The following AFAP1 variants were observed in gnomAD, a reference collection of about 807,000 sequenced individuals.
The protein encoded by AFAP1 is actin filament associated protein 1.
AFAP1 carries 75 observed loss-of-function variants against 93.9 expected under a neutral mutation model. That is an observed-to-expected ratio of 0.80 (90% CI 0.66 to 0.97). The LOEUF is 0.97. Ranked by LOEUF, AFAP1 falls within the 50% of genes least tolerant of loss-of-function variation. AFAP1 has a pLI of 0.00. For missense variants in AFAP1, 1,201 were observed against 1,050.8 expected, an observed-to-expected ratio of 1.14 and a Z score of -1.98; for synonymous variants, 517 against 430.7, an observed-to-expected ratio of 1.20 and a Z score of -2.48.
At chr4:7,875,185 G>C (rs1056482214) in intron 1 of AFAP1, among the ~76,000 whole-genome samples, 3 of 152,190 alleles carry the variant, frequency 2.0e-5, no homozygotes, top group African/African-American at 7.2e-5. Flanking sequence ...TCGTCTGTGG[G>C]ATTCTTCCAA....
chr4:7,850,143 A>C (rs1714272918), intron 4 of AFAP1, among the ~76,000 whole-genome samples: 1 of 152,300 alleles, frequency 6.6e-6, no homozygotes, highest in Non-Finnish European at 1.5e-5. Flanking sequence ...ACTCTAGAGA[A>C]ATATAGTAAG....
chr4:7,819,112 TGGA>T lies in AFAP1; in HGVS notation c.783_785del (p.Pro263del). ...CTGCCTTGTGCACCGGGGAGCTTGG[TGGA>T]GGAGGACACTCTGAATCCACGGGGC... is the stretch of plus-strand genomic sequence containing the variant. On this transcript the variant is annotated inframe_deletion, in exon 7 of 18. Coordinates refer to ENST00000420658, the MANE Select transcript of AFAP1 (RefSeq NM_001134647.2). The T allele has an allele frequency of 2.5e-6, 4 of 1,613,800 alleles. No individual in the cohort carries two copies. The highest frequency in any genetic ancestry group is 2.5e-6 in the Non-Finnish European group (3 of 1,179,890).
intron 1 of AFAP1, among the ~76,000 whole-genome samples, chr4:7,883,114 A>G (rs531032733): frequency 5.1e-5 from 7 of 137,634 alleles, no homozygotes; most frequent in African/African-American, 1.9e-4. Context: ...GAGCCCAGGG[A>G]GGTTGAGGTT....
At chr4:7,917,963 G>A (rs562983461) in intron 1 of AFAP1, among the ~76,000 whole-genome samples, 7 of 152,346 alleles carry the variant, frequency 4.6e-5, no homozygotes, top group Admixed American at 2.6e-4. Flanking sequence ...AAAGGACCAC[G>A]GGATAGATGG....
rs116590446 is a variant in AFAP1, at chr4:7,922,447, G to T, written c.-3+17209C>A. 7.8e-3 allele frequency among the ~76,000 whole-genome samples: 1,191 copies of T among 152,296 alleles called. 23 individuals are homozygous for T. Among genetic ancestry groups the T allele is most frequent in the African/African-American group, 0.027 (1,137 of 41,568 alleles). On this transcript the variant is annotated intron_variant, in intron 1 of 17. Transcript: ENST00000420658. ...TTGAAGGATGGAGAAGATTTAAGGAGGTAGAAGTGTGGAGATGATGTCCCA... is the reference window on the plus strand; with the variant it reads ...TTGAAGGATGGAGAAGATTTAAGGATGTAGAAGTGTGGAGATGATGTCCCA...
intron 17 of AFAP1, among the ~76,000 whole-genome samples, chr4:7,767,790 G>A (rs555841136): frequency 6.6e-6 from 1 of 152,310 alleles, no homozygotes; most frequent in East Asian, 1.9e-4. Flanking sequence ...AAGCTGCAAA[G>A]AATGCCAAGC....
intron 1 of AFAP1, among the ~76,000 whole-genome samples, chr4:7,886,519 G>T (rs1336666567): frequency 6.6e-6 from 1 of 152,130 alleles, no homozygotes; most frequent in Non-Finnish European, 1.5e-5. Context: ...CTAGGTCCTG[G>T]GAATGTTCCT....
chr4:7,915,820 ACTTT>A (rs79446856), intron 1 of AFAP1, among the ~76,000 whole-genome samples: 46,794 of 152,142 alleles, frequency 0.31, 8,946 homozygotes, highest in Non-Finnish European at 0.44. Flanking sequence ...ACTAAGTACA[ACTTT>A]CTTTCTCACT....
chr4:7,855,870 C>T (rs1714994366), intron 3 of AFAP1, among the ~76,000 whole-genome samples: 1 of 152,196 alleles, frequency 6.6e-6, no homozygotes, highest in Non-Finnish European at 1.5e-5. Context: ...TGCCCCTTCC[C>T]CCACGCAGGA....
rs190246659 is a variant in AFAP1 at position 7,809,596 on chromosome 4, C to A, written c.1054+18G>T. On this transcript the variant is annotated intron_variant, in intron 9 of 17. Transcript: ENST00000420658. ...CACTTAGGTGCACGCTGCTCGTCTC[C>A]GGGAAGCGCAGTCTTACCGCAGGTG... The A allele has an allele frequency of 1.4e-5, 23 of 1,606,326 alleles. No homozygotes were observed. In the East Asian group the frequency reaches 4.9e-4, roughly 34 times the overall value.
intron 1 of AFAP1, among the ~76,000 whole-genome samples, chr4:7,924,069 A>C (rs1420218871): frequency 2.6e-5 from 4 of 152,250 alleles, no homozygotes; most frequent in African/African-American, 9.6e-5. Context: ...CAAGAGTCAG[A>C]AGCAGAGATA....
At chr4:7,931,582 T>C (rs1218300630) in intron 1 of AFAP1, among the ~76,000 whole-genome samples, 2 of 150,200 alleles carry the variant, frequency 1.3e-5, no homozygotes, top group Admixed American at 6.7e-5. Context: ...GAGGTCTCGC[T>C]ATGTTGCCTA....
chr4:7,786,092 C>T (rs1577205087), intron 12 of AFAP1, 102 bp downstream of exon 12: 1 of 1,049,796 alleles, frequency 9.5e-7, no homozygotes, highest in Non-Finnish European at 1.4e-6. Flanking sequence ...CATTAAAAAG[C>T]TGACCTTATT....
rs554466282 is a variant in AFAP1 at position 7,883,305 on chromosome 4, A to C, written c.-2-11225T>G. Among the ~76,000 whole-genome samples, 12 of 152,278 alleles carry C rather than the reference A, an allele frequency of 7.9e-5. No homozygotes were observed. In the South Asian group the frequency reaches 2.3e-3, roughly 29 times the overall value. ...TGCAATTGTTCCACAGATCATGAAA[A>C]AGCCTTCAACAAAATTTAATAATCA... On this transcript the variant is annotated intron_variant, in intron 1 of 17. Transcript: ENST00000420658.
At chr4:7,886,133 A>G (rs1010749106) in intron 1 of AFAP1, among the ~76,000 whole-genome samples, 6 of 152,234 alleles carry the variant, frequency 3.9e-5, no homozygotes, top group East Asian at 3.8e-4. Context: ...GACTGCATCT[A>G]AAATTCTTTT....
chr4:7,872,256 C>A, intron 1 of AFAP1, 176 bp from the exon 2 acceptor site: 1 of 690,468 alleles, frequency 1.4e-6, no homozygotes, highest in South Asian at 2.3e-5. Flanking sequence ...GCGTCTTCTT[C>A]TTAACAAATG....
At chr4:7,899,857 A>AAAATAAATAAATAAATAAATAAAT (rs10523683) in intron 1 of AFAP1, among the ~76,000 whole-genome samples, 2,413 of 149,240 alleles carry the variant, frequency 0.016, 31 homozygotes, top group East Asian at 0.026. Flanking sequence ...GTGCTCTTTA[A>AAAATAAATAAATAAATAAATAAAT]AAATAAATAA....
intron 1 of AFAP1, among the ~76,000 whole-genome samples, chr4:7,915,893 A>G (rs1279751486): frequency 6.6e-6 from 1 of 152,262 alleles, no homozygotes; most frequent in African/African-American, 2.4e-5. Flanking sequence ...AAACCAAAAT[A>G]ATTACTTAAT....
intron 1 of AFAP1, among the ~76,000 whole-genome samples, chr4:7,879,264 C>T (rs1717698732): frequency 6.6e-6 from 1 of 152,192 alleles, no homozygotes; most frequent in Non-Finnish European, 1.5e-5. Context: ...AAATAACTGT[C>T]TGCATTTTAT....
Sources: gnomAD v4.1 joint callset for allele counts (sites outside exome capture counted in the v4.1 genomes callset) on GRCh38, gnomAD v4.1.1 for gene constraint, MANE v1.5 for transcripts, NCBI Gene and HGNC (gene_info 2026-07-23, HGNC 2026-07-21) for gene names.